The following NHSL2 variants were observed in gnomAD, a reference collection of about 807,000 sequenced individuals.
NHSL2 encodes NHS like 2.
Under a neutral mutation model 53.4 loss-of-function variants are expected in NHSL2, and 27 were observed. That is an observed-to-expected ratio of 0.51 (90% CI 0.37 to 0.70). NHSL2 has a LOEUF of 0.70. Ranked by LOEUF, NHSL2 falls within the 30% of genes least tolerant of loss-of-function variation. The pLI is 0.00. For missense variants in NHSL2, 892 were observed against 980.1 expected, an observed-to-expected ratio of 0.91 and a Z score of 1.20; for synonymous variants, 408 against 404.1, an observed-to-expected ratio of 1.01 and a Z score of -0.12.
At chrX:71,945,776 A>T (rs1319565571) in intron 1 of NHSL2, among the ~76,000 whole-genome samples, 1 of 111,592 alleles carries the variant, frequency 9.0e-6, no homozygotes, top group Non-Finnish European at 1.9e-5. Flanking sequence ...TTTCCTGACC[A>T]GTTGCTGCCC....
At chrX:72,050,513 G>A (rs2042333953) in intron 1 of NHSL2, among the ~76,000 whole-genome samples, 1 of 111,616 alleles carries the variant, frequency 9.0e-6, no homozygotes, top group South Asian at 3.7e-4. Context: ...TGTAGCAAAT[G>A]CCTATGATAA....
intron 1 of NHSL2, among the ~76,000 whole-genome samples, chrX:71,988,816 G>A (rs1437202955): frequency 3.6e-5 from 4 of 111,493 alleles, no homozygotes; most frequent in African/African-American, 9.8e-5. Flanking sequence ...AGTCCATAGA[G>A]TAAAGTGAAA....
intron 1 of NHSL2, among the ~76,000 whole-genome samples, chrX:72,014,907 T>G (rs969094783): frequency 1.8e-5 from 2 of 109,989 alleles, no homozygotes; most frequent in African/African-American, 6.6e-5. Flanking sequence ...TGGGGAAATT[T>G]GGGGCACCTG....
intron 1 of NHSL2, among the ~76,000 whole-genome samples, chrX:71,942,972 C>CTCTCTGTG (rs1220648470): frequency 2.4e-4 from 18 of 74,035 alleles, no homozygotes; most frequent in Middle Eastern, 7.6e-3. Context: ...CTCTCTCTCT[C>CTCTCTGTG]TGTGTGTGTG....
At chrX:71,926,495 A>ATG (rs754147196) in intron 1 of NHSL2, among the ~76,000 whole-genome samples, 2 of 108,438 alleles carry the variant, frequency 1.8e-5, no homozygotes, top group Admixed American at 9.9e-5. Context: ...CAAAACATTG[A>ATG]TGTGTGTGTG....
intron 1 of NHSL2, among the ~76,000 whole-genome samples, chrX:71,978,034 A>G (rs1303040789): frequency 2.7e-5 from 3 of 110,930 alleles, no homozygotes; most frequent in East Asian, 2.9e-4. Context: ...CTTGACCTCA[A>G]TTGTCTCATG....
intron 1 of NHSL2, among the ~76,000 whole-genome samples, chrX:72,026,788 C>T (rs1342337247): frequency 8.9e-6 from 1 of 112,237 alleles, no homozygotes; most frequent in African/African-American, 3.2e-5. Context: ...AAATGACTCC[C>T]CATCTACCCA....
At chrX:72,045,331 G>A (rs958024001) in intron 1 of NHSL2, among the ~76,000 whole-genome samples, 3 of 112,288 alleles carry the variant, frequency 2.7e-5, no homozygotes, top group Non-Finnish European at 3.8e-5. Context: ...GGAGGGGCTG[G>A]CAGGAGCCAG....
intron 1 of NHSL2, among the ~76,000 whole-genome samples, chrX:71,946,508 C>T (rs974553947): frequency 1.8e-5 from 2 of 111,559 alleles, no homozygotes; most frequent in Non-Finnish European, 3.8e-5. Context: ...TTGGTAAATG[C>T]TAAGAGGCAG....
intron 1 of NHSL2, among the ~76,000 whole-genome samples, chrX:72,006,290 C>A (rs1420860634): frequency 1.8e-5 from 2 of 112,277 alleles, no homozygotes; most frequent in Middle Eastern, 4.2e-3. Flanking sequence ...CCACTGCGAT[C>A]CAGCTTCCCA....
intron 4 of NHSL2, among the ~76,000 whole-genome samples, chrX:72,135,086 A>G (rs1406211440): frequency 1.8e-5 from 2 of 112,005 alleles, no homozygotes; most frequent in African/African-American, 3.3e-5. Flanking sequence ...GAGTACACTG[A>G]TAAGAGTCGG....
chrX:72,062,653 C>T (rs574453908), intron 1 of NHSL2, among the ~76,000 whole-genome samples: 5 of 112,350 alleles, frequency 4.5e-5, no homozygotes, highest in East Asian at 2.8e-4. Context: ...CCATTACAGG[C>T]GTGTGCATTT....
At chrX:72,126,154 C>A (rs2042223703) in intron 1 of NHSL2, among the ~76,000 whole-genome samples, 1 of 111,750 alleles carries the variant, frequency 8.9e-6, no homozygotes, top group Non-Finnish European at 1.9e-5. Flanking sequence ...ATGGTTTCCT[C>A]CCTCCCTCCC....
Position 72,140,505 on chromosome X carries a change from G to A in NHSL2, c.2957G>A (p.Ser986Asn), listed in dbSNP as rs949269357. ...PKVRVLPERI[S>N]LQSQEEAEKK... ...GTGAGGGTTCTGCCTGAAAGAATTA[G>A]CCTCCAGAGCCAGGAAGAAGCTGAG... The change falls in exon 6 of 8, where the codon AGC (serine) becomes AAC (asparagine). Residue 986 changes from serine (S) to asparagine (N), a missense_variant. Ser to Asn is a conservative substitution (Grantham distance 46, BLOSUM62 1). Transcript: ENST00000633930. 5.8e-6 allele frequency: 7 copies of A among 1,209,050 alleles called. No homozygotes were observed. The highest frequency in any genetic ancestry group is 2.2e-5 in the Admixed American group (1 of 45,733).
rs189815169 is a variant in NHSL2 at position 71,957,730 on chromosome X, C to T, written c.280+46363C>T. Among the ~76,000 whole-genome samples the T allele has an allele frequency of 5.4e-5, 6 of 110,786 alleles. No homozygotes were observed. The East Asian group carries it at 1.7e-3, about 32-fold the overall frequency. On this transcript the variant is annotated intron_variant, in intron 1 of 7. Transcript: ENST00000633930. The stretch of plus-strand genomic sequence containing the variant: ...TCTGAGCAGACCCAGGGTGTTTACT[C>T]CCTGAGTACTCAGGAAGTACCCAGA...
At chrX:72,067,324 A>G (rs898489643) in intron 1 of NHSL2, among the ~76,000 whole-genome samples, 4 of 111,350 alleles carry the variant, frequency 3.6e-5, no homozygotes, top group Non-Finnish European at 7.5e-5. Flanking sequence ...ACCTGTTCCT[A>G]TTCAAGCTTC....
Position 71,970,997 on chromosome X carries a change from A to G in NHSL2, c.280+59630A>G, listed in dbSNP as rs778671409. 1.2e-4 allele frequency among the ~76,000 whole-genome samples: 13 copies of G among 110,665 alleles called. No individual in the cohort carries two copies. In the South Asian group the frequency reaches 4.9e-3, roughly 42 times the overall value. On this transcript the variant is annotated intron_variant, in intron 1 of 7. Transcript: ENST00000633930. ...ACGGTCTTGCTATATTGCCCAGCCT[A>G]GTCTCAAACTCCTGGCCTGAAGTGA... is the stretch of plus-strand genomic sequence containing the variant.
chrX:71,911,996 G>T (rs778259354), intron 1 of NHSL2, among the ~76,000 whole-genome samples: 1 of 112,188 alleles, frequency 8.9e-6, no homozygotes, highest in Non-Finnish European at 1.9e-5. Context: ...GCCGGGAGGG[G>T]GGAGGGGAGA....
intron 1 of NHSL2, chrX:72,131,871 G>T (rs894079713): frequency 9.0e-6 from 3 of 334,310 alleles, no homozygotes; most frequent in Non-Finnish European, 1.5e-5. Context: ...GGCGGGCAGG[G>T]GCGAGCGGAG....
Sources: gnomAD v4.1 joint callset for allele counts (sites outside exome capture counted in the v4.1 genomes callset) on GRCh38, gnomAD v4.1.1 for gene constraint, MANE v1.5 for transcripts, NCBI Gene and HGNC (gene_info 2026-07-23, HGNC 2026-07-21) for gene names.